The following XRN1 variants were observed in gnomAD, a reference collection of about 807,000 sequenced individuals.
The protein encoded by XRN1 is strand-exchange protein 1 homolog.
Under a neutral mutation model 222.3 loss-of-function variants are expected in XRN1, and 67 were observed. The ratio of observed to expected loss-of-function variants is 0.30; its 90% confidence interval spans 0.25 to 0.37. The LOEUF is 0.37. Ranked by LOEUF, XRN1 falls within the 10% of genes least tolerant of loss-of-function variation. The pLI is 1.00. For synonymous variants in XRN1, 643 were observed against 652.4 expected (o/e 0.99, Z 0.22); for missense variants, 1,707 against 2,000.2 (o/e 0.85, Z 2.80).
At position 142,447,990 on chromosome 3, in the gene XRN1, A is replaced by C. The variant is rs1577477907; in HGVS notation, c.-46T>G. 11 of 1,583,106 alleles carry C rather than the reference A, an allele frequency of 6.9e-6. No homozygotes were observed. The highest frequency in any genetic ancestry group is 1.1e-5 in the South Asian group (1 of 89,988). ...CCAGTCAGGGCCAAACCGAAACCAAACGCCCCGCCGGGGCTCCGCCGCAGC... is the reference window on the plus strand; with the variant it reads ...CCAGTCAGGGCCAAACCGAAACCAACCGCCCCGCCGGGGCTCCGCCGCAGC... On this transcript the variant is annotated 5_prime_UTR_variant, in exon 1 of 41. Coordinates refer to ENST00000392981, the MANE Select transcript of XRN1 (RefSeq NM_001282857.2). The surrounding 1 kb of genome is among the most constrained non-coding windows in gnomAD (Gnocchi z 4.2).
chr3:142,401,906 T>C (rs2068150785), intron 18 of XRN1, among the ~76,000 whole-genome samples: 3 of 152,216 alleles, frequency 2.0e-5, no homozygotes, highest in Non-Finnish European at 4.4e-5. Context: ...GTTTTTATTA[T>C]TCTTCAGATT....
intron 16 of XRN1, among the ~76,000 whole-genome samples, 178 bp downstream of exon 16, chr3:142,404,728 GA>G (rs1466740402): frequency 2.0e-5 from 3 of 152,172 alleles, no homozygotes; most frequent in African/African-American, 7.2e-5. Context: ...ACACAAGTGT[GA>G]AAGATCCTTA....
chr3:142,385,625 A>C lies in XRN1; in HGVS notation c.2340-940T>G, dbSNP rs2067471579. Among the ~76,000 whole-genome samples the C allele has an allele frequency of 2.0e-5, 3 of 152,178 alleles. No homozygotes were observed. The South Asian group carries it at 6.2e-4, about 32-fold the overall frequency. ...GACATTGTAAAGTCTACAAAGCCTA[A>C]AATATTTACTATTTGCCCTTTACAG... is the stretch of plus-strand genomic sequence containing the variant. On this transcript the variant is annotated intron_variant, in intron 20 of 40. Transcript: ENST00000392981.
Position 142,311,729 on chromosome 3 carries a change from G to A in XRN1, c.4867C>T (p.Gln1623Ter). 6.2e-7 allele frequency: 1 copy of A among 1,614,138 alleles called. No individual in the cohort carries two copies. The highest frequency in any genetic ancestry group is 8.5e-7 in the Non-Finnish European group (1 of 1,180,010). The change falls in exon 41 of 41, where the codon CAG becomes TAG. Residue 1623 changes from glutamine (Q) to a stop codon, truncating the protein, a stop_gained. Transcript: ENST00000392981. LOFTEE classifies it high-confidence loss of function. ...TTGACAATGTTGGAAGAATCTGGCTGGCTAGTCTGAACTGGAGTGGCTTGA... is the reference window on the plus strand; with the variant it reads ...TTGACAATGTTGGAAGAATCTGGCTAGCTAGTCTGAACTGGAGTGGCTTGA... The part of the protein sequence containing the change: ...SSQATPVQTS[Q>*]PDSSNIVKVS...
intron 2 of XRN1, 125 bp from the exon 3 acceptor site, chr3:142,426,966 TACAA>T: frequency 1.5e-6 from 1 of 668,386 alleles, no homozygotes; most frequent in Non-Finnish European, 2.5e-6. Context: ...GTTCAAAACA[TACAA>T]GTTTTGAAAT....
Position 142,336,982 on chromosome 3 carries a change from A to T in XRN1, c.3878-1473T>A, listed in dbSNP as rs139691010. Reference sequence around the variant, plus strand: ...TAAAAAAAGGTATAGCACTTACCAAACTGAACCAAAGTTAAAAACCACAAA... The same window carrying T: ...TAAAAAAAGGTATAGCACTTACCAATCTGAACCAAAGTTAAAAACCACAAA... On this transcript the variant is annotated intron_variant, in intron 33 of 40. Coordinates refer to ENST00000392981, the MANE Select transcript of XRN1 (RefSeq NM_001282857.2). Among the ~76,000 whole-genome samples the T allele has an allele frequency of 3.2e-3, 488 of 152,334 alleles. 2 individuals carry two copies. Among genetic ancestry groups the T allele is most frequent in the African/African-American group, 9.6e-3 (401 of 41,582 alleles).
rs919016063 is a variant in XRN1 at position 142,333,193 on chromosome 3, C to T, written c.3940-104G>A. The T allele has an allele frequency of 3.9e-6, 5 of 1,294,878 alleles. No homozygotes were observed. In the African/African-American group the frequency reaches 7.6e-5, roughly 20 times the overall value. 80.2% of individuals were successfully genotyped at this position (1,294,878 alleles called of 1,614,324 possible). On this transcript the variant is annotated intron_variant, in intron 34 of 40. Transcript: ENST00000392981. ...AATGGTCATTCGATTTTCACTCAAT[C>T]ATCTTCCCAGGTGTTAAAGTTTGGG...
At chr3:142,360,823 T>C (rs1323064123) in intron 29 of XRN1, among the ~76,000 whole-genome samples, 1 of 140,754 alleles carries the variant, frequency 7.1e-6, no homozygotes, top group Admixed American at 7.7e-5. Flanking sequence ...GCAGTGAGCT[T>C]AGACTGCATC....
intron 19 of XRN1, among the ~76,000 whole-genome samples, chr3:142,398,393 G>T (rs1403502081): frequency 6.7e-6 from 1 of 149,726 alleles, no homozygotes; most frequent in Non-Finnish European, 1.5e-5. Context: ...AAGAGATGGG[G>T]TCTCATTCTG....
intron 34 of XRN1, 99 bp from the exon 35 acceptor site, chr3:142,333,188 T>C: frequency 7.7e-7 from 1 of 1,305,960 alleles, no homozygotes; most frequent in Non-Finnish European, 1.0e-6. Flanking sequence ...CGATTTTCAC[T>C]CAATCATCTT....
At position 142,380,219 on chromosome 3, in the gene XRN1, T is replaced by C. The variant is rs73238168; in HGVS notation, c.2617-39A>G. The stretch of plus-strand genomic sequence containing the variant: ...AAAATCACAGTATAGTCTCTTTCAG[T>C]ACATTTTATTTTTTAACTTATTTGA... On this transcript the variant is annotated intron_variant, in intron 22 of 40. Transcript: ENST00000392981. 48 of 1,512,102 alleles carry C rather than the reference T, an allele frequency of 3.2e-5. No individual in the cohort carries two copies. In the African/African-American group the frequency reaches 6.0e-4, roughly 19 times the overall value. 93.7% of individuals were successfully genotyped at this position (1,512,102 alleles called of 1,614,324 possible).
intron 33 of XRN1, among the ~76,000 whole-genome samples, chr3:142,344,867 A>G (rs1036477301): frequency 6.6e-6 from 1 of 152,222 alleles, no homozygotes; most frequent in Non-Finnish European, 1.5e-5. Flanking sequence ...TAAAAATTCC[A>G]GCTGCCATTT....
chr3:142,380,119 C>G lies in XRN1; in HGVS notation c.2678G>C (p.Cys893Ser). 1 of 1,613,912 alleles carries G rather than the reference C, an allele frequency of 6.2e-7. No individual in the cohort carries two copies. Among genetic ancestry groups the G allele is most frequent in the South Asian group, 1.1e-5 (1 of 91,064 alleles). The change falls in exon 23 of 41, where the codon TGT becomes TCT. Residue 893 changes from cysteine to serine, a missense_variant. Coordinates refer to ENST00000392981, the MANE Select transcript of XRN1 (RefSeq NM_001282857.2). ...GRIRVIFSIPCEPNLDALIQN... is the reference protein window; with the variant it reads ...GRIRVIFSIPSEPNLDALIQN... ...TATTAAAGCATCAAGATTGGGTTCACATGGAATGCTGAAAATCACACGAAT... is the reference window on the plus strand; with the variant it reads ...TATTAAAGCATCAAGATTGGGTTCAGATGGAATGCTGAAAATCACACGAAT...
chr3:142,365,785 T>G (rs1404010725), intron 27 of XRN1, among the ~76,000 whole-genome samples: 1 of 152,166 alleles, frequency 6.6e-6, no homozygotes, highest in African/African-American at 2.4e-5. Context: ...AAGATTACAT[T>G]TGTCTGTTTT....
At chr3:142,398,244 T>A (rs2068000237) in intron 19 of XRN1, among the ~76,000 whole-genome samples, 1 of 150,738 alleles carries the variant, frequency 6.6e-6, no homozygotes, top group South Asian at 2.1e-4. Context: ...TCTCTCCCAA[T>A]CAGTCAGTCA....
At chr3:142,319,013 G>T in intron 37 of XRN1, 110 bp from the exon 38 acceptor site, 1 of 944,784 alleles carries the variant, frequency 1.1e-6, no homozygotes. Context: ...TTAAAAAAGG[G>T]CTTTCAGTTC....
At chr3:142,323,918 T>C (rs1386952180) in intron 37 of XRN1, among the ~76,000 whole-genome samples, 1 of 152,068 alleles carries the variant, frequency 6.6e-6, no homozygotes, top group Non-Finnish European at 1.5e-5. Flanking sequence ...AACACACATT[T>C]ATGGGGTACA....
chr3:142,375,412 T>C (rs914982187), intron 25 of XRN1, among the ~76,000 whole-genome samples: 1 of 152,176 alleles, frequency 6.6e-6, no homozygotes, highest in African/African-American at 2.4e-5. Context: ...ATTCAATAAT[T>C]CTAAGATAGT....
intron 29 of XRN1, 105 bp downstream of exon 29, chr3:142,364,942 C>A: frequency 2.5e-6 from 3 of 1,202,476 alleles, no homozygotes; most frequent in Admixed American, 3.3e-5. Context: ...ATTGTTTGTT[C>A]CTGATTTATA....
Sources: allele counts gnomAD v4.1 joint callset (sites outside exome capture counted in the v4.1 genomes callset), GRCh38; gene constraint gnomAD v4.1.1; non-coding constraint Gnocchi (gnomAD v3.1); transcripts MANE v1.5; gene names NCBI Gene and HGNC (gene_info 2026-07-23, HGNC 2026-07-21).